The following SCN11A variants were observed in gnomAD, a reference collection of about 807,000 sequenced individuals.
SCN11A encodes sodium voltage-gated channel alpha subunit 11.
Under a neutral mutation model 162.2 loss-of-function variants are expected in SCN11A, and 122 were observed. The observed-to-expected ratio is 0.75, with a 90% confidence interval of 0.65 to 0.87. SCN11A has a LOEUF of 0.87. Ranked by LOEUF, SCN11A falls within the 40% of genes least tolerant of loss-of-function variation. The pLI is 0.00. For missense variants in SCN11A, 2,015 were observed against 2,181.6 expected (o/e 0.92, Z 1.52); for synonymous variants, 758 against 751.5 (o/e 1.01, Z -0.14).
chr3:38,963,476 TATATATATATGATGGAG>T (rs1464977983), intron 2 of SCN11A, among the ~76,000 whole-genome samples: 7 of 143,322 alleles, frequency 4.9e-5, no homozygotes, highest in African/African-American at 1.5e-4. Flanking sequence ...ATGATGGAGA[TATATATATATGATGGAG>T]ATATATATAT....
intron 7 of SCN11A, among the ~76,000 whole-genome samples, chr3:38,928,668 C>T (rs1012807488): frequency 6.6e-6 from 1 of 152,056 alleles, no homozygotes; most frequent in African/African-American, 2.4e-5. Flanking sequence ...AAATGGCCAA[C>T]GAGCATATGA....
chr3:38,906,139 T>C (rs2065788734), intron 14 of SCN11A, among the ~76,000 whole-genome samples: 1 of 152,164 alleles, frequency 6.6e-6, no homozygotes, highest in African/African-American at 2.4e-5. Context: ...TGCAAAGGCC[T>C]CTCAATTCCC....
Position 38,847,149 on chromosome 3 carries a change from T to G in SCN11A, c.4921A>C (p.Ile1641Leu). ...AAGTCAGAAAGGGCAGAATATTTGA[T>G]AAATTGTGTTGCTTCTGGGTCAAAC... is the stretch of plus-strand genomic sequence containing the variant. ...EKFDPEATQF[I>L]KYSALSDFAD... Residue 1641 changes from isoleucine (I) to leucine (L), a missense_variant, in exon 30 of 30, where the codon ATC becomes CTC. Coordinates refer to ENST00000302328, the MANE Select transcript of SCN11A (RefSeq NM_001349253.2). 1.9e-6 allele frequency: 3 copies of G among 1,614,216 alleles called. No individual in the cohort carries two copies. The highest frequency in any genetic ancestry group is 2.5e-6 in the Non-Finnish European group (3 of 1,180,022).
intron 14 of SCN11A, among the ~76,000 whole-genome samples, chr3:38,907,336 G>GTA (rs2065811321): frequency 9.8e-5 from 1 of 10,166 alleles, no homozygotes; most frequent in Non-Finnish European, 5.8e-4. Context: ...GTGTGTGTGT[G>GTA]TGTGTGTATA....
At chr3:38,870,766 A>T (rs749005349) in intron 25 of SCN11A, 22 bp from the exon 26 acceptor site, 1 of 1,607,722 alleles carries the variant, frequency 6.2e-7, no homozygotes, top group East Asian at 2.2e-5. Flanking sequence ...GCAGAAAAAC[A>T]TGAATAATAC....
chr3:38,976,013 G>A (rs1433063397), intron 2 of SCN11A, among the ~76,000 whole-genome samples: 2 of 151,952 alleles, frequency 1.3e-5, no homozygotes, highest in Non-Finnish European at 2.9e-5. Flanking sequence ...AAAAAAGAGT[G>A]GAAATTGTTT....
At chr3:38,908,451 C>G (rs1682876453) in intron 13 of SCN11A, among the ~76,000 whole-genome samples, 1 of 152,170 alleles carries the variant, frequency 6.6e-6, no homozygotes, top group East Asian at 1.9e-4. Flanking sequence ...GATGGGCATC[C>G]TTCTGACAAA....
At chr3:38,881,542 A>G (rs74833943) in intron 22 of SCN11A, among the ~76,000 whole-genome samples, 1 of 152,136 alleles carries the variant, frequency 6.6e-6, no homozygotes, top group African/African-American at 2.4e-5. Context: ...TTTCTGACAC[A>G]GGAAGCTCTT....
intron 7 of SCN11A, among the ~76,000 whole-genome samples, chr3:38,937,219 A>T (rs2066349290): frequency 6.6e-6 from 1 of 151,692 alleles, no homozygotes; most frequent in Admixed American, 6.6e-5. Context: ...ACAAAAATTA[A>T]TTCAAGATGG....
chr3:38,981,537 TTGTGTGTGTGTGTG>T (rs10578149), intron 2 of SCN11A, among the ~76,000 whole-genome samples: 1 of 145,868 alleles, frequency 6.9e-6, no homozygotes, highest in Non-Finnish European at 1.5e-5. Flanking sequence ...GTGTGTGTGT[TTGTGTGTGTGTGTG>T]TGTGTGTGTG....
chr3:39,033,381 G>T (rs1292479710), intron 1 of SCN11A, among the ~76,000 whole-genome samples: 2 of 151,868 alleles, frequency 1.3e-5, no homozygotes, highest in Non-Finnish European at 2.9e-5. Context: ...CTTTTTTCAT[G>T]TACAATCTAC....
chr3:38,894,772 G>C lies in SCN11A; in HGVS notation c.2596C>G (p.Gln866Glu), dbSNP rs768683402. Residue 866 changes from glutamine to glutamate, a missense_variant, in exon 19 of 30, where the codon CAA (glutamine) becomes GAA (glutamate). Coordinates refer to ENST00000302328, the MANE Select transcript of SCN11A (RefSeq NM_001349253.2). The part of the protein sequence containing the change: ...KWCRKQNLPQ[Q>E]KEVAGGCAAQ... ...GCACAGCCTCCTGCCACCTCTTTTT[G>C]CTGTGGTAAGTTTTGCTTCCTGCAC... is the stretch of plus-strand genomic sequence containing the variant. 1 of 1,614,144 alleles carries C rather than the reference G, an allele frequency of 6.2e-7. No individual in the cohort carries two copies. Among genetic ancestry groups the C allele is most frequent in the South Asian group, 1.1e-5 (1 of 91,082 alleles).
At chr3:38,963,601 T>C (rs1342471913) in intron 2 of SCN11A, among the ~76,000 whole-genome samples, 1 of 151,716 alleles carries the variant, frequency 6.6e-6, no homozygotes, top group Non-Finnish European at 1.5e-5. Flanking sequence ...TTGGAGGCTA[T>C]TATTCAAGTG....
chr3:38,882,062 A>G (rs1317667747), intron 22 of SCN11A, among the ~76,000 whole-genome samples: 1 of 152,220 alleles, frequency 6.6e-6, no homozygotes, highest in Non-Finnish European at 1.5e-5. Flanking sequence ...CAGAAAGTCT[A>G]CAGGTAACCC....
At position 38,847,787 on chromosome 3, in the gene SCN11A, G is replaced by A. The variant is rs529734378; in HGVS notation, c.4328-45C>T. 4.1e-5 allele frequency: 52 copies of A among 1,263,896 alleles called. 2 individuals are homozygous for A. In the East Asian group the frequency reaches 8.1e-4, roughly 20 times the overall value. The allele number at this position is 1,263,896 out of a possible 1,614,324, so 78.3% of individuals were successfully genotyped here. On this transcript the variant is annotated intron_variant, in intron 29 of 29. Transcript: ENST00000302328. Reference sequence around the variant, plus strand: ...TAAATAAGTTTCCAGAAGGCACACTGGTTTCAGATCCAGCCTGTCTCCTGC... The same window carrying A: ...TAAATAAGTTTCCAGAAGGCACACTAGTTTCAGATCCAGCCTGTCTCCTGC...
chr3:38,847,418 G>A lies in SCN11A; in HGVS notation c.4652C>T (p.Ala1551Val), dbSNP rs1274323552. The A allele has an allele frequency of 3.7e-6, 6 of 1,614,042 alleles. No homozygotes were observed. The South Asian group carries it at 6.6e-5, about 18-fold the overall frequency. Residue 1551 changes from alanine (A) to valine (V), a missense_variant, in exon 30 of 30, where the codon GCA (alanine) becomes GTA (valine). Coordinates refer to ENST00000302328, the MANE Select transcript of SCN11A (RefSeq NM_001349253.2). ...MLCLFQISTS[A>V]GWDSLLSPML... is the part of the protein sequence containing the mutation. Reference sequence around the variant, plus strand: ...GGGGCTGAGCAGGGAATCCCAACCTGCTGATGTGCTTATCTGGAAGAGACA... The same window carrying A: ...GGGGCTGAGCAGGGAATCCCAACCTACTGATGTGCTTATCTGGAAGAGACA...
At chr3:38,871,304 A>G in intron 25 of SCN11A, 141 bp downstream of exon 25, 2 of 802,760 alleles carry the variant, frequency 2.5e-6, no homozygotes. Context: ...CAATTCCAGA[A>G]GGCATTGGCT....
chr3:38,965,718 C>T (rs2066777641), intron 2 of SCN11A, among the ~76,000 whole-genome samples: 1 of 151,656 alleles, frequency 6.6e-6, no homozygotes, highest in African/African-American at 2.4e-5. Flanking sequence ...TTTCATATGA[C>T]AAGGTGTTTA....
chr3:38,887,714 T>C (rs1367739834), intron 19 of SCN11A, among the ~76,000 whole-genome samples: 1 of 152,212 alleles, frequency 6.6e-6, no homozygotes, highest in Non-Finnish European at 1.5e-5. Context: ...ATATTGCTCT[T>C]TCTTATCATA....
Sources: gnomAD v4.1 joint callset for allele counts (sites outside exome capture counted in the v4.1 genomes callset) on GRCh38, gnomAD v4.1.1 for gene constraint, MANE v1.5 for transcripts, NCBI Gene and HGNC (gene_info 2026-07-23, HGNC 2026-07-21) for gene names.